ARMH1: variants seen among roughly 807,000 people sequenced by gnomAD.
ARMH1 encodes armadillo-like helical domain containing protein 1.
In ARMH1, 34 loss-of-function variants were observed where a neutral mutation model predicts 50.2. That is an observed-to-expected ratio of 0.68 (90% CI 0.51 to 0.90). The LOEUF (loss-of-function observed/expected upper bound fraction) is 0.90, where lower values mean the gene tolerates loss of function less well. Ranked by LOEUF, ARMH1 falls within the 40% of genes least tolerant of loss-of-function variation. The pLI is 0.00. For missense variants in ARMH1, 538 were observed against 553.9 expected, an observed-to-expected ratio of 0.97 and a Z score of 0.29; for synonymous variants, 221 against 224.2, an observed-to-expected ratio of 0.99 and a Z score of 0.13.
intron 6 of ARMH1, among the ~76,000 whole-genome samples, chr1:44,713,517 G>A (rs1646711604): frequency 6.6e-6 from 1 of 152,150 alleles, no homozygotes; most frequent in African/African-American, 2.4e-5. Context: ...CACTGAGGGA[G>A]ACTTTCACAT....
At position 44,693,257 on chromosome 1, in the gene ARMH1, T is replaced by C. The variant is rs576955466; in HGVS notation, c.206+3354T>C. Among the ~76,000 whole-genome samples, 57 of 152,264 alleles carry C rather than the reference T, an allele frequency of 3.7e-4. No individual in the cohort carries two copies. The Middle Eastern group carries it at 0.014, about 36-fold the overall frequency. On this transcript the variant is annotated intron_variant, in intron 2 of 11. Transcript: ENST00000535358. ...ATAACCTGGCTCCTGTCCCCACAACTCATGACACTAGCCTCACCAAGTCCC... is the reference window on the plus strand; with the variant it reads ...ATAACCTGGCTCCTGTCCCCACAACCCATGACACTAGCCTCACCAAGTCCC...
rs1648162080 is a variant in ARMH1 at position 44,725,496 on chromosome 1, C to T, written c.*93C>T. 7.8e-7 allele frequency: 1 copy of T among 1,290,154 alleles called. No homozygotes were observed. Among genetic ancestry groups the T allele is most frequent in the African/African-American group, 1.5e-5 (1 of 67,408 alleles). 79.9% of individuals were successfully genotyped at this position (1,290,154 alleles called of 1,614,324 possible). A position where few individuals can be genotyped will look rare whatever the true frequency, so the allele number is the denominator to read the frequency against. ...TGGGGTCAAGCTCAGAGCCACTCCA[C>T]TTGGCTCCAGGGGGGAGACGGGGAT... is the stretch of plus-strand genomic sequence containing the variant. On this transcript the variant is annotated 3_prime_UTR_variant, in exon 12 of 12. Coordinates refer to ENST00000535358, the MANE Select transcript of ARMH1 (RefSeq NM_001145636.2).
chr1:44,692,452 T>C (rs1381458030), intron 2 of ARMH1, among the ~76,000 whole-genome samples: 1 of 152,148 alleles, frequency 6.6e-6, no homozygotes, highest in Non-Finnish European at 1.5e-5. Flanking sequence ...AATATCTCTC[T>C]TTCCCCCCAC....
At chr1:44,696,224 AC>A (rs1323722056) in intron 2 of ARMH1, among the ~76,000 whole-genome samples, 4 of 152,224 alleles carry the variant, frequency 2.6e-5, no homozygotes, top group Non-Finnish European at 5.9e-5. Context: ...ATCTGTCTCT[AC>A]TTCTATTGGC....
At chr1:44,693,036 C>G (rs940950823) in intron 2 of ARMH1, 1 of 152,176 alleles carries the variant, frequency 6.6e-6, no homozygotes, top group African/African-American at 2.4e-5. Flanking sequence ...AGCCACCACA[C>G]CCAGTCTGTT....
intron 6 of ARMH1, among the ~76,000 whole-genome samples, chr1:44,723,086 A>AAG (rs1052785668): frequency 2.0e-5 from 3 of 151,520 alleles, no homozygotes; most frequent in Non-Finnish European, 4.4e-5. Flanking sequence ...AAAAAAAAAA[A>AAG]AAGGTAGCAT....
chr1:44,677,607 A>G (rs996665006), intron 1 of ARMH1, among the ~76,000 whole-genome samples: 1 of 152,226 alleles, frequency 6.6e-6, no homozygotes, highest in Non-Finnish European at 1.5e-5. Flanking sequence ...GGTGATGACA[A>G]GGTCCACTGT....
At position 44,700,983 on chromosome 1, in the gene ARMH1, T is replaced by C. The variant is rs1646056870; in HGVS notation, c.503T>C (p.Val168Ala). The change falls in exon 5 of 12, where the codon GTG (valine) becomes GCG (alanine). Residue 168 changes from valine (V) to alanine (A), a missense_variant. By Grantham distance (64) the Val-to-Ala change is moderately conservative (BLOSUM62 0). Coordinates refer to ENST00000535358, the MANE Select transcript of ARMH1 (RefSeq NM_001145636.2). ...AAGTCAGAAGAGACCCAGGAGGAAG[T>C]GCAGGTTCTGTTGGATTCTTTGGTC... ...KSKSEETQEEVQVLLDSLVHG... is the reference protein window; with the variant it reads ...KSKSEETQEEAQVLLDSLVHG... 1 of 1,551,532 alleles carries C rather than the reference T, an allele frequency of 6.4e-7. No individual in the cohort carries two copies. The highest frequency in any genetic ancestry group is 1.4e-5 in the African/African-American group (1 of 73,014).
At chr1:44,693,541 C>T (rs1416742554) in intron 2 of ARMH1, among the ~76,000 whole-genome samples, 2 of 152,204 alleles carry the variant, frequency 1.3e-5, no homozygotes, top group Admixed American at 6.5e-5. Context: ...CTCAACCTCC[C>T]GGGCTTAAGC....
chr1:44,690,929 A>G (rs1427086565), intron 2 of ARMH1, among the ~76,000 whole-genome samples: 2 of 152,194 alleles, frequency 1.3e-5, no homozygotes, highest in South Asian at 2.1e-4. Flanking sequence ...CTGGGAGTAC[A>G]GGCATAAGAC....
chr1:44,703,991 G>A (rs1406067767), intron 5 of ARMH1, 98 bp from the exon 6 acceptor site: 4 of 904,272 alleles, frequency 4.4e-6, no homozygotes, highest in Non-Finnish European at 6.9e-6. Context: ...CTCCTAAAGT[G>A]CTGGGATTAC....
intron 1 of ARMH1, among the ~76,000 whole-genome samples, chr1:44,680,239 C>T (rs1181389432): frequency 2.6e-5 from 4 of 152,156 alleles, no homozygotes; most frequent in African/African-American, 7.2e-5. Flanking sequence ...TTCAGTGGCA[C>T]GGTCTTGGCT....
intron 5 of ARMH1, 28 bp downstream of exon 5, chr1:44,701,147 T>C (rs1207399453): frequency 1.1e-5 from 16 of 1,514,768 alleles, no homozygotes; most frequent in Non-Finnish European, 1.3e-5. Flanking sequence ...GCTCCTGTGG[T>C]TCTGATTCAG....
chr1:44,721,895 C>G (rs150805739), intron 6 of ARMH1: 6 of 152,100 alleles, frequency 3.9e-5, no homozygotes, highest in South Asian at 2.1e-4. Flanking sequence ...GAAGAGAAAC[C>G]AGAGATCTGC....
chr1:44,713,812 G>T (rs1464428455), intron 6 of ARMH1, among the ~76,000 whole-genome samples: 1 of 152,152 alleles, frequency 6.6e-6, no homozygotes, highest in South Asian at 2.1e-4. Context: ...GTTGGGCTGG[G>T]TGAAAGCAGA....
intron 1 of ARMH1, among the ~76,000 whole-genome samples, chr1:44,679,657 A>G (rs1322198379): frequency 6.6e-6 from 1 of 152,232 alleles, no homozygotes; most frequent in Non-Finnish European, 1.5e-5. Flanking sequence ...GTTTCCTGTC[A>G]TAGCTGTAAA....
chr1:44,697,554 C>T (rs888731890), intron 3 of ARMH1, among the ~76,000 whole-genome samples: 2 of 152,126 alleles, frequency 1.3e-5, no homozygotes. Flanking sequence ...TCTTTTCCCC[C>T]ATTTCTGTCT....
intron 6 of ARMH1, among the ~76,000 whole-genome samples, chr1:44,709,922 A>G (rs1412235044): frequency 2.6e-5 from 4 of 152,208 alleles, no homozygotes; most frequent in African/African-American, 9.7e-5. Context: ...AATTTGGAAA[A>G]TGGTCATTTG....
At chr1:44,716,716 C>G (rs1488536931) in intron 6 of ARMH1, among the ~76,000 whole-genome samples, 1 of 152,234 alleles carries the variant, frequency 6.6e-6, no homozygotes, top group African/African-American at 2.4e-5. Context: ...CTCACCTGCA[C>G]TGGCCTCTAC....
Sources: gnomAD v4.1 joint callset for allele counts (sites outside exome capture counted in the v4.1 genomes callset) on GRCh38, gnomAD v4.1.1 for gene constraint, MANE v1.5 for transcripts, NCBI Gene and HGNC (gene_info 2026-07-23, HGNC 2026-07-21) for gene names.